CIT: variants seen among roughly 807,000 people sequenced by gnomAD.
The protein encoded by CIT is citron rho-interacting serine/threonine kinase, also known as citron Rho-interacting kinase.
In CIT, 79 loss-of-function variants were observed where a neutral mutation model predicts 272.7. The observed-to-expected ratio is 0.29, with a 90% CI of 0.24 to 0.35. The LOEUF is 0.35. Among genes scored for constraint, CIT ranks in the 10% least tolerant of loss-of-function variants. CIT has a pLI of 1.00. For missense variants in CIT, 1,909 were observed against 2,618.3 expected, an observed-to-expected ratio of 0.73 and a Z score of 5.91; for synonymous variants, 948 against 995.6, an observed-to-expected ratio of 0.95 and a Z score of 0.90.
chr12:119,703,520 C>A (rs1159228920), intron 41 of CIT, among the ~76,000 whole-genome samples: 1 of 150,322 alleles, frequency 6.7e-6, no homozygotes, highest in Non-Finnish European at 1.5e-5. Context: ...CCACCTCCCA[C>A]GTTTATGCAA....
intron 3 of CIT, among the ~76,000 whole-genome samples, chr12:119,865,192 T>C (rs778754987): frequency 6.6e-6 from 1 of 152,158 alleles, no homozygotes; most frequent in Non-Finnish European, 1.5e-5. Context: ...GAAAAAAATC[T>C]ACATTCCACT....
intron 20 of CIT, among the ~76,000 whole-genome samples, chr12:119,759,679 C>T (rs920578209): frequency 6.6e-6 from 1 of 151,912 alleles, no homozygotes; most frequent in African/African-American, 2.4e-5. Context: ...AAATCTAATG[C>T]CTTAATGCCT....
At chr12:119,844,133 T>C (rs141741661) in intron 5 of CIT, among the ~76,000 whole-genome samples, 91 of 151,800 alleles carry the variant, frequency 6.0e-4, no homozygotes, top group Non-Finnish European at 1.1e-3. Context: ...GTGATTCTCC[T>C]GCCTCAGCCT....
intron 46 of CIT, among the ~76,000 whole-genome samples, chr12:119,696,750 C>T (rs1956245200): frequency 6.6e-6 from 1 of 152,180 alleles, no homozygotes; most frequent in African/African-American, 2.4e-5. Context: ...TGGTCTTGAA[C>T]TCCTGGGCTC....
chr12:119,758,750 A>G lies in CIT; in HGVS notation c.2422-50T>C, dbSNP rs760259657. 5 of 1,237,614 alleles carry G rather than the reference A, an allele frequency of 4.0e-6. No individual in the cohort carries two copies. In the Admixed American group the frequency reaches 5.0e-5, roughly 12 times the overall value. The allele number at this position is 1,237,614 out of a possible 1,614,324, so 76.7% of individuals were successfully genotyped here. ...CTTCACACACCAGAACAGGAGTAAC[A>G]GGGGCAGTGCGGGCCAGGGTAAAAG... On this transcript the variant is annotated intron_variant, in intron 20 of 47. Coordinates refer to ENST00000392521, the MANE Select transcript of CIT (RefSeq NM_001206999.2).
At chr12:119,864,378 C>G (rs886270289) in intron 3 of CIT, among the ~76,000 whole-genome samples, 5 of 152,142 alleles carry the variant, frequency 3.3e-5, no homozygotes, top group Non-Finnish European at 7.3e-5. Flanking sequence ...CTCTGTCACC[C>G]AGGCTGGGGT....
At chr12:119,793,522 A>G (rs1965490703) in intron 10 of CIT, among the ~76,000 whole-genome samples, 1 of 152,182 alleles carries the variant, frequency 6.6e-6, no homozygotes, top group African/African-American at 2.4e-5. Context: ...CTTCCTACTC[A>G]GTGCAATTTA....
At chr12:119,722,772 G>A (rs1322163529) in intron 28 of CIT, among the ~76,000 whole-genome samples, 1 of 152,186 alleles carries the variant, frequency 6.6e-6, no homozygotes, top group Non-Finnish European at 1.5e-5. Context: ...GGTGCTTATT[G>A]AATGTTTATC....
chr12:119,847,796 C>A (rs1479463866), intron 5 of CIT, among the ~76,000 whole-genome samples: 1 of 152,086 alleles, frequency 6.6e-6, no homozygotes, highest in Non-Finnish European at 1.5e-5. Flanking sequence ...GAGGCTGAGG[C>A]AAGAGAATCG....
intron 24 of CIT, among the ~76,000 whole-genome samples, chr12:119,739,063 A>G (rs760933475): frequency 2.6e-5 from 4 of 152,190 alleles, no homozygotes; most frequent in Non-Finnish European, 5.9e-5. Flanking sequence ...ATGGCATGTT[A>G]GGGGTGAAGA....
intron 22 of CIT, among the ~76,000 whole-genome samples, chr12:119,754,672 CAGT>C (rs1960711962): frequency 6.6e-6 from 1 of 152,210 alleles, no homozygotes; most frequent in Non-Finnish European, 1.5e-5. Context: ...CCCTCAATCT[CAGT>C]AGCAGCATGT....
chr12:119,734,087 A>G, intron 26 of CIT, 77 bp downstream of exon 26: 1 of 1,464,136 alleles, frequency 6.8e-7, no homozygotes, highest in African/African-American at 1.4e-5. Flanking sequence ...GGAATAGCTG[A>G]TCACCCTGTC....
chr12:119,850,137 C>A (rs540627283), intron 5 of CIT, 37 bp downstream of exon 5: 15 of 1,275,478 alleles, frequency 1.2e-5, no homozygotes, highest in East Asian at 9.2e-5. Context: ...TGTCAGAGTG[C>A]TAGGCTAATT....
At chr12:119,811,846 A>T (rs203357) in intron 9 of CIT, among the ~76,000 whole-genome samples, 1 of 152,116 alleles carries the variant, frequency 6.6e-6, no homozygotes, top group African/African-American at 2.4e-5. Flanking sequence ...TACTCAGAAG[A>T]GGAACGTTTC....
intron 23 of CIT, 85 bp downstream of exon 23, chr12:119,751,965 G>C: frequency 2.5e-6 from 3 of 1,208,146 alleles, no homozygotes; most frequent in Non-Finnish European, 3.4e-6. Flanking sequence ...AATTTCTAAG[G>C]GTGAGCCAGT....
At chr12:119,762,745 G>A (rs368258105) in intron 19 of CIT, among the ~76,000 whole-genome samples, 25 of 152,244 alleles carry the variant, frequency 1.6e-4, no homozygotes, top group African/African-American at 3.4e-4. Context: ...TATCAAGAAC[G>A]TATGCACTAG....
At position 119,877,232 on chromosome 12, in the gene CIT, T is replaced by C. The variant is rs533258161; in HGVS notation, c.-14+17A>G. On this transcript the variant is annotated intron_variant, in intron 1 of 47. Transcript: ENST00000392521. ...GAGCCGGGTGCGGTAGAATTGGGTC[T>C]GGGGGATCAGACTCACGCTCTGCGA... is the stretch of plus-strand genomic sequence containing the variant. 1 of 152,208 alleles carries C rather than the reference T, an allele frequency of 6.6e-6. No homozygotes were observed. Among genetic ancestry groups the C allele is most frequent in the Non-Finnish European group, 1.5e-5 (1 of 68,062 alleles). The allele number at this position is 152,208 out of a possible 1,614,324, so 9.4% of individuals were successfully genotyped here.
At chr12:119,757,656 G>T in intron 21 of CIT, 111 bp from the exon 22 acceptor site, 1 of 1,344,614 alleles carries the variant, frequency 7.4e-7, no homozygotes, top group Non-Finnish European at 1.0e-6. Flanking sequence ...TCACTAAGTG[G>T]ACTAGGGCCA....
At chr12:119,688,332 G>T in intron 47 of CIT, 77 bp from the exon 48 acceptor site, 1 of 1,399,498 alleles carries the variant, frequency 7.1e-7, no homozygotes, top group Non-Finnish European at 1.0e-6. Flanking sequence ...ATGCAAATGG[G>T]AATCTGCAGC....
Sources: gnomAD v4.1 joint callset for allele counts (sites outside exome capture counted in the v4.1 genomes callset) on GRCh38, gnomAD v4.1.1 for gene constraint, MANE v1.5 for transcripts, NCBI Gene and HGNC (gene_info 2026-07-23, HGNC 2026-07-21) for gene names.